AP3S1: variants seen among roughly 807,000 people sequenced by gnomAD.
The protein encoded by AP3S1 is adaptor related protein complex 3 subunit sigma 1.
In AP3S1, 12 loss-of-function variants were observed where a neutral mutation model predicts 21.3. The observed-to-expected ratio is 0.56, with a 90% CI of 0.36 to 0.91. AP3S1 has a LOEUF of 0.91. Ranked by LOEUF, AP3S1 falls within the 40% of genes least tolerant of loss-of-function variation. AP3S1 has a pLI of 0.01. For missense variants in AP3S1, 116 were observed against 225.0 expected (o/e 0.52, Z 3.10); for synonymous variants, 48 against 78.4 (o/e 0.61, Z 2.05).
chr5:115,870,574 C>T (rs758963863), intron 3 of AP3S1, among the ~76,000 whole-genome samples: 7 of 152,168 alleles, frequency 4.6e-5, no homozygotes, highest in Non-Finnish European at 1.0e-4. Context: ...ATACTACGTG[C>T]AACCCTTTGA....
At chr5:115,857,541 CT>C (rs1416815060) in intron 1 of AP3S1, among the ~76,000 whole-genome samples, 1 of 152,138 alleles carries the variant, frequency 6.6e-6, no homozygotes, top group African/African-American at 2.4e-5. Context: ...TAGTTTGTTT[CT>C]TCAAGTTATA....
intron 1 of AP3S1, among the ~76,000 whole-genome samples, chr5:115,845,237 G>T (rs1761969660): frequency 6.6e-6 from 1 of 152,104 alleles, no homozygotes; most frequent in South Asian, 2.1e-4. Context: ...CCATATACTG[G>T]CAGGATGCTG....
chr5:115,912,531 A>T (rs1368942363), intron 5 of AP3S1, among the ~76,000 whole-genome samples: 1 of 152,082 alleles, frequency 6.6e-6, no homozygotes, highest in Admixed American at 6.5e-5. Context: ...AGGAAAGCCA[A>T]ATATTATGCA....
At chr5:115,874,858 C>G (rs1748566393) in intron 3 of AP3S1, among the ~76,000 whole-genome samples, 1 of 151,938 alleles carries the variant, frequency 6.6e-6, no homozygotes, top group Non-Finnish European at 1.5e-5. Context: ...TATCTATTAT[C>G]TTGTAGTGGT....
At chr5:115,880,196 G>A (rs558841871) in intron 3 of AP3S1, among the ~76,000 whole-genome samples, 31 of 152,052 alleles carry the variant, frequency 2.0e-4, no homozygotes, top group Admixed American at 7.9e-4. Flanking sequence ...TCATGTCTCT[G>A]TCTCCTTCAG....
At chr5:115,881,978 T>C (rs1201031452) in intron 3 of AP3S1, among the ~76,000 whole-genome samples, 1 of 151,792 alleles carries the variant, frequency 6.6e-6, no homozygotes, top group East Asian at 2.0e-4. Flanking sequence ...TCCTTTCTTC[T>C]GCTTGATTGA....
At chr5:115,877,089 A>T (rs1198579117) in intron 3 of AP3S1, among the ~76,000 whole-genome samples, 1 of 152,186 alleles carries the variant, frequency 6.6e-6, no homozygotes, top group Non-Finnish European at 1.5e-5. Context: ...TAAAAGAATT[A>T]TTAATATTTA....
intron 3 of AP3S1, among the ~76,000 whole-genome samples, chr5:115,878,377 A>G (rs1191926791): frequency 2.0e-5 from 3 of 152,174 alleles, no homozygotes; most frequent in Non-Finnish European, 2.9e-5. Context: ...TAATTTTTGT[A>G]TAAGGTGTAA....
At chr5:115,847,077 G>A (rs947562012) in intron 1 of AP3S1, among the ~76,000 whole-genome samples, 1 of 152,264 alleles carries the variant, frequency 6.6e-6, no homozygotes, top group Non-Finnish European at 1.5e-5. Context: ...TTGGTAATCA[G>A]TTCAATTCAG....
At chr5:115,878,879 G>A (rs1414255581) in intron 3 of AP3S1, among the ~76,000 whole-genome samples, 1 of 152,196 alleles carries the variant, frequency 6.6e-6, no homozygotes, top group Non-Finnish European at 1.5e-5. Flanking sequence ...TCCTTGAGCA[G>A]TAGTTTGTAA....
intron 3 of AP3S1, among the ~76,000 whole-genome samples, chr5:115,893,195 CA>C (rs1750466513): frequency 6.6e-6 from 1 of 152,078 alleles, no homozygotes; most frequent in Non-Finnish European, 1.5e-5. Flanking sequence ...TACCAAGTGC[CA>C]CTAGCGATGG....
chr5:115,877,868 T>C (rs1748875651), intron 3 of AP3S1, among the ~76,000 whole-genome samples: 1 of 152,296 alleles, frequency 6.6e-6, no homozygotes, highest in Middle Eastern at 3.4e-3. Flanking sequence ...ATCTGTTGTT[T>C]CCTGACTTTT....
chr5:115,842,005 C>T lies in AP3S1; in HGVS notation c.-33C>T, dbSNP rs1252212139. 7.0e-6 allele frequency: 11 copies of T among 1,572,306 alleles called. No homozygotes were observed. The highest frequency in any genetic ancestry group is 1.4e-5 in the African/African-American group (1 of 73,396). ...CTCGCGCGCCCGCCCCCGCCCTGGC[C>T]CCCAGTGCCCACCCGGTCGGCCCGG... On this transcript the variant is annotated 5_prime_UTR_variant, in exon 1 of 6. Coordinates refer to ENST00000316788, the MANE Select transcript of AP3S1 (RefSeq NM_001284.4).
At chr5:115,888,365 G>C (rs561957587) in intron 3 of AP3S1, among the ~76,000 whole-genome samples, 1 of 151,798 alleles carries the variant, frequency 6.6e-6, no homozygotes, top group Non-Finnish European at 1.5e-5. Context: ...ACTTCAGATT[G>C]TCAGTTATTT....
intron 4 of AP3S1, among the ~76,000 whole-genome samples, chr5:115,896,253 G>T (rs1750747263): frequency 6.6e-6 from 1 of 152,148 alleles, no homozygotes; most frequent in Non-Finnish European, 1.5e-5. Flanking sequence ...CATTATTTGT[G>T]AATGTCAAAA....
intron 5 of AP3S1, chr5:115,904,058 A>G (rs1033413325): frequency 1.3e-5 from 2 of 152,074 alleles, no homozygotes; most frequent in African/African-American, 4.8e-5. Flanking sequence ...CTCCTGGGCA[A>G]CAGAGTAAAA....
chr5:115,850,396 C>A (rs1353629021), intron 1 of AP3S1, among the ~76,000 whole-genome samples: 1 of 152,150 alleles, frequency 6.6e-6, no homozygotes, highest in Non-Finnish European at 1.5e-5. Context: ...TTAACAGTTG[C>A]AAGTGTACAG....
At chr5:115,908,457 C>G (rs1403405044) in intron 5 of AP3S1, among the ~76,000 whole-genome samples, 1 of 152,112 alleles carries the variant, frequency 6.6e-6, no homozygotes, top group Non-Finnish European at 1.5e-5. Context: ...TTCTGCCTCT[C>G]TACCTTGACA....
intron 1 of AP3S1, among the ~76,000 whole-genome samples, chr5:115,859,358 A>G (rs887752302): frequency 6.6e-6 from 1 of 152,214 alleles, no homozygotes; most frequent in Non-Finnish European, 1.5e-5. Context: ...GGGCCAAAGG[A>G]ACTTCTACAT....
Sources: allele counts gnomAD v4.1 joint callset (sites outside exome capture counted in the v4.1 genomes callset), GRCh38; gene constraint gnomAD v4.1.1; transcripts MANE v1.5; gene names NCBI Gene and HGNC (gene_info 2026-07-23, HGNC 2026-07-21).